Variants in NCKAP5 observed in about 807,000 individuals in gnomAD.
NCKAP5 encodes nck-associated protein 5.
NCKAP5 carries 92 observed loss-of-function variants against 167.0 expected under a neutral mutation model. The ratio of observed to expected loss-of-function variants is 0.55; its 90% confidence interval spans 0.47 to 0.66. NCKAP5 has a LOEUF of 0.66. Among genes scored for constraint, NCKAP5 ranks in the 30% least tolerant of loss-of-function variants. NCKAP5 has a pLI of 0.00. For missense variants in NCKAP5, 2,378 were observed against 2,315.0 expected, an observed-to-expected ratio of 1.03 and a Z score of -0.56; for synonymous variants, 891 against 877.4, an observed-to-expected ratio of 1.02 and a Z score of -0.27.
At chr2:133,275,045 C>A (rs2089670122) in intron 4 of NCKAP5, among the ~76,000 whole-genome samples, 1 of 150,570 alleles carries the variant, frequency 6.6e-6, no homozygotes, top group South Asian at 2.1e-4. Context: ...GAATACATAT[C>A]CTAAATTTGT....
Position 133,306,504 on chromosome 2 carries a change from C to G in NCKAP5, c.70-3394G>C, listed in dbSNP as rs141949646. 7.4e-4 allele frequency among the ~76,000 whole-genome samples: 112 copies of G among 152,316 alleles called. No homozygotes were observed. The East Asian group carries it at 0.018, about 25-fold the overall frequency. On this transcript the variant is annotated intron_variant, in intron 3 of 19. Coordinates refer to ENST00000409261, the MANE Select transcript of NCKAP5 (RefSeq NM_207363.3). ...ACTAGTATCCAGAAAGATGTGGTCT[C>G]TCTGACACATGTGAAGAAAGTTCTT...
chr2:133,488,273 T>C lies in NCKAP5; in HGVS notation c.69+29185A>G, dbSNP rs1575047473. On this transcript the variant is annotated intron_variant, in intron 3 of 19. Coordinates refer to ENST00000409261, the MANE Select transcript of NCKAP5 (RefSeq NM_207363.3). The stretch of plus-strand genomic sequence containing the variant: ...TCCCTTGACCTCCTGAATCACCATA[T>C]CATCTTTGATGAAAAGCAAACAAAA... Among the ~76,000 whole-genome samples the C allele has an allele frequency of 2.0e-5, 3 of 152,290 alleles. No individual in the cohort carries two copies. The East Asian group carries it at 5.8e-4, about 29-fold the overall frequency.
Position 133,094,828 on chromosome 2 carries a change from T to A in NCKAP5, c.341+35150A>T, listed in dbSNP as rs1404463607. Reference sequence around the variant, plus strand: ...AGGGAATTCAGAGAGATTCAAAGCATAAGAATTTGATGCACCATCACTGGC... The same window carrying A: ...AGGGAATTCAGAGAGATTCAAAGCAAAAGAATTTGATGCACCATCACTGGC... On this transcript the variant is annotated intron_variant, in intron 6 of 19. Coordinates refer to ENST00000409261, the MANE Select transcript of NCKAP5 (RefSeq NM_207363.3). 3.3e-5 allele frequency among the ~76,000 whole-genome samples: 5 copies of A among 152,132 alleles called. No homozygotes were observed. In the East Asian group the frequency reaches 5.8e-4, roughly 18 times the overall value.
the NCKAP5 span, among the ~76,000 whole-genome samples, chr2:133,601,972 G>C: frequency 6.6e-6 from 1 of 152,122 alleles, no homozygotes; most frequent in Non-Finnish European, 1.5e-5. Flanking sequence ...GAGCACAACA[G>C]TAATGGTGTC....
chr2:133,043,199 C>A (rs2079272556), intron 6 of NCKAP5, among the ~76,000 whole-genome samples: 1 of 152,082 alleles, frequency 6.6e-6, no homozygotes, highest in Admixed American at 6.6e-5. Context: ...TAATGTAACT[C>A]TAGGCAGAAA....
intron 19 of NCKAP5, 120 bp downstream of exon 19, chr2:132,725,507 G>GA: frequency 8.1e-7 from 1 of 1,233,722 alleles, no homozygotes; most frequent in Non-Finnish European, 1.1e-6. Flanking sequence ...TAGATCTCAG[G>GA]AGAGACATGA....
At chr2:133,224,440 A>T (rs1414399776) in intron 4 of NCKAP5, among the ~76,000 whole-genome samples, 2 of 152,222 alleles carry the variant, frequency 1.3e-5, no homozygotes, top group Non-Finnish European at 2.9e-5. Flanking sequence ...TTGACAAAAT[A>T]AGCCAATAAA....
At chr2:132,922,064 GA>G (rs1463994751) in intron 8 of NCKAP5, among the ~76,000 whole-genome samples, 2 of 152,196 alleles carry the variant, frequency 1.3e-5, no homozygotes, top group African/African-American at 2.4e-5. Flanking sequence ...GAGATGGACA[GA>G]AAAAGACACC....
chr2:133,634,938 G>T, the NCKAP5 span, among the ~76,000 whole-genome samples: 1 of 151,552 alleles, frequency 6.6e-6, no homozygotes, highest in East Asian at 1.9e-4. Flanking sequence ...TGGGATCTTG[G>T]CTCACTGCAA....
intron 3 of NCKAP5, among the ~76,000 whole-genome samples, chr2:133,427,159 T>C (rs1374980109): frequency 6.6e-6 from 1 of 151,972 alleles, no homozygotes; most frequent in Non-Finnish European, 1.5e-5. Context: ...AAAAGACAAA[T>C]AAAACAGGTA....
At chr2:132,760,097 C>CCAGTTCTATT (rs1680876002) in intron 16 of NCKAP5, among the ~76,000 whole-genome samples, 1 of 152,118 alleles carries the variant, frequency 6.6e-6, no homozygotes, top group African/African-American at 2.4e-5. Context: ...TCTTCCCACT[C>CCAGTTCTATT]ATTTCCAGTT....
chr2:133,565,445 C>T (rs1248563889), intron 1 of NCKAP5, among the ~76,000 whole-genome samples: 1 of 152,192 alleles, frequency 6.6e-6, no homozygotes, highest in Admixed American at 6.5e-5. Flanking sequence ...CTCTCATTAT[C>T]CACATTTTAA....
intron 3 of NCKAP5, among the ~76,000 whole-genome samples, chr2:133,475,341 T>G (rs138991098): frequency 1.3e-5 from 2 of 152,326 alleles, no homozygotes; most frequent in African/African-American, 4.8e-5. Flanking sequence ...CACACACACA[T>G]GCACAAGCTT....
intron 6 of NCKAP5, among the ~76,000 whole-genome samples, chr2:133,075,212 T>C (rs1559114319): frequency 6.6e-6 from 1 of 152,190 alleles, no homozygotes; most frequent in African/African-American, 2.4e-5. Flanking sequence ...AAACGGTACT[T>C]TTGAAGTGCT....
chr2:132,720,678 A>C (rs1226359499), intron 19 of NCKAP5, among the ~76,000 whole-genome samples: 2 of 152,134 alleles, frequency 1.3e-5, no homozygotes, highest in African/African-American at 4.8e-5. Flanking sequence ...TGGAGGACCG[A>C]CTGCCACTAT....
At chr2:133,457,370 C>G (rs1277432239) in intron 3 of NCKAP5, among the ~76,000 whole-genome samples, 14 of 152,106 alleles carry the variant, frequency 9.2e-5, no homozygotes, top group Admixed American at 7.2e-4. Flanking sequence ...GGTGAGATAT[C>G]AAATCCTACC....
At chr2:133,052,619 C>T (rs2079644256) in intron 6 of NCKAP5, among the ~76,000 whole-genome samples, 2 of 151,292 alleles carry the variant, frequency 1.3e-5, no homozygotes, top group Non-Finnish European at 2.9e-5. Context: ...CCAAGAGACT[C>T]AGGCAGGAGA....
At chr2:132,726,997 A>G (rs1295335836) in intron 18 of NCKAP5, among the ~76,000 whole-genome samples, 2 of 152,220 alleles carry the variant, frequency 1.3e-5, no homozygotes, top group Admixed American at 6.5e-5. Context: ...ATGCTAACTG[A>G]ACCAGGCATC....
At chr2:132,938,401 T>G (rs1697016283) in intron 8 of NCKAP5, among the ~76,000 whole-genome samples, 1 of 152,214 alleles carries the variant, frequency 6.6e-6, no homozygotes, top group South Asian at 2.1e-4. Flanking sequence ...AATCCAGGGC[T>G]TTCATGGTAT....
Sources: allele counts gnomAD v4.1 joint callset (sites outside exome capture counted in the v4.1 genomes callset), GRCh38; gene constraint gnomAD v4.1.1; transcripts MANE v1.5; gene names NCBI Gene and HGNC (gene_info 2026-07-23, HGNC 2026-07-21).